PTGES2: variants seen among roughly 807,000 people sequenced by gnomAD.
The protein encoded by PTGES2 is prostaglandin E synthase 2, also known as GATE-binding factor 1.
Under a neutral mutation model 44.5 loss-of-function variants are expected in PTGES2, and 35 were observed. That is an observed-to-expected ratio of 0.79 (90% CI 0.60 to 1.04). The LOEUF (loss-of-function observed/expected upper bound fraction) is 1.04. Among genes scored for constraint, PTGES2 ranks in the 50% least tolerant of loss-of-function variants. PTGES2 has a pLI of 0.00. For synonymous variants in PTGES2, 221 were observed against 227.5 expected, an observed-to-expected ratio of 0.97 and a Z score of 0.26; for missense variants, 517 against 521.4, an observed-to-expected ratio of 0.99 and a Z score of 0.08.
intron 5 of PTGES2, 76 bp downstream of exon 5, chr9:128,122,858 G>A: frequency 2.0e-6 from 3 of 1,485,928 alleles, no homozygotes; most frequent in Admixed American, 1.7e-5. Context: ...TCTCCTGAGG[G>A]GTGTGATGGG....
chr9:128,124,594 CG>C, intron 2 of PTGES2, 44 bp from the exon 3 acceptor site: 3 of 1,580,214 alleles, frequency 1.9e-6, no homozygotes, highest in Non-Finnish European at 2.6e-6. Context: ...GCAACCCAGC[CG>C]CTGGGAGTCA....
Position 128,122,387 on chromosome 9 carries a change from C to G in PTGES2, c.980G>C (p.Gly327Ala), listed in dbSNP as rs779731411. Residue 327 changes from glycine to alanine, a missense_variant, in exon 6 of 7, where the codon GGC (glycine) becomes GCC (alanine). Gly to Ala is a moderately conservative substitution (Grantham distance 60). Transcript: ENST00000338961. ...AVGKDRPFMGGQKPNLADLAV... is the reference protein window; with the variant it reads ...AVGKDRPFMGAQKPNLADLAV... ...CAAATCAGCGAGATTCGGCTTCTGG[C>G]CCCCCATGAAGGGCCGGTCCTTGCC... 15 of 1,613,880 alleles carry G rather than the reference C, an allele frequency of 9.3e-6. No homozygotes were observed. The highest frequency in any genetic ancestry group is 1.2e-5 in the Non-Finnish European group (14 of 1,179,872).
intron 5 of PTGES2, 94 bp downstream of exon 5, chr9:128,122,840 C>T: frequency 7.3e-7 from 1 of 1,375,580 alleles, no homozygotes; most frequent in Non-Finnish European, 1.0e-6. Flanking sequence ...GCCTCGGCCT[C>T]CCGCTGGTCT....
chr9:128,122,642 G>A (rs1422947696), intron 5 of PTGES2, 163 bp from the exon 6 acceptor site: 14 of 653,976 alleles, frequency 2.1e-5, no homozygotes, highest in Non-Finnish European at 3.7e-5. Context: ...TCCCAGACGG[G>A]GAGGCTGTGG....
upstream of PTGES2, chr9:128,128,346 G>T (rs983349613): frequency 2.2e-5 from 10 of 456,300 alleles, 1 homozygote; most frequent in African/African-American, 1.0e-4. Context: ...GCAAAGTGGG[G>T]TGCCAGGCTG....
chr9:128,127,200 A>AAAAC (rs1265434899), intron 1 of PTGES2, among the ~76,000 whole-genome samples: 6 of 149,758 alleles, frequency 4.0e-5, no homozygotes, highest in African/African-American at 1.2e-4. Flanking sequence ...CCAAAAAAAA[A>AAAAC]AAAAAAAAAA....
intron 2 of PTGES2, chr9:128,124,887 T>C: frequency 8.0e-7 from 1 of 1,249,796 alleles, no homozygotes; most frequent in Non-Finnish European, 1.0e-6. Flanking sequence ...AGCCAGAATA[T>C]GGTCCCTTGT....
chr9:128,121,739 T>A (rs1834417697), intron 6 of PTGES2, among the ~76,000 whole-genome samples: 1 of 151,940 alleles, frequency 6.6e-6, no homozygotes, highest in South Asian at 2.1e-4. Flanking sequence ...ATACTGAAAC[T>A]CTGTCTCTAC....
In PTGES2 at chr9:128,123,067, G is replaced by A. The variant is rs1834483011; in HGVS notation, c.754C>T (p.Arg252Cys). The change falls in exon 5 of 7, where the codon CGC becomes TGC. Residue 252 changes from arginine to cysteine, a missense_variant. By Grantham distance (180) the Arg-to-Cys change is radical (BLOSUM62 -3). Coordinates refer to ENST00000338961, the MANE Select transcript of PTGES2 (RefSeq NM_025072.7). This position sits in a 1 kb window ranked among gnomAD's most constrained non-coding sequence, Gnocchi z 4.4. The part of the protein sequence containing the change: ...LVHLISPNVY[R>C]TPTEALASFD... ...GACGCCAGAGCCTCGGTGGGCGTGCGGTACACATTGGGGGAGATCAGGTGC... is the reference window on the plus strand; with the variant it reads ...GACGCCAGAGCCTCGGTGGGCGTGCAGTACACATTGGGGGAGATCAGGTGC... The A allele has an allele frequency of 2.5e-6, 4 of 1,612,802 alleles. No homozygotes were observed. Among genetic ancestry groups the A allele is most frequent in the Admixed American group, 1.7e-5 (1 of 59,998 alleles).
chr9:128,128,117 G>T, upstream of PTGES2: 1 of 368,606 alleles, frequency 2.7e-6, no homozygotes, highest in South Asian at 2.1e-5. Flanking sequence ...AGTCAGTACA[G>T]GCGCCGCGAC....
Position 128,123,618 on chromosome 9 carries a change from C to T in PTGES2, c.686+84G>A. ...CTGGTCTCCCATGCTGCTCCCTGCT[C>T]ACGCCATCTTGCTCAGCTTGGTCCT... On this transcript the variant is annotated intron_variant, in intron 4 of 6. Coordinates refer to ENST00000338961, the MANE Select transcript of PTGES2 (RefSeq NM_025072.7). This position sits in a 1 kb window ranked among gnomAD's most constrained non-coding sequence, Gnocchi z 4.4. 1.4e-6 allele frequency: 2 copies of T among 1,422,452 alleles called. No homozygotes were observed. Among genetic ancestry groups the T allele is most frequent in the Non-Finnish European group, 1.9e-6 (2 of 1,035,706 alleles). The allele number at this position is 1,422,452 out of a possible 1,614,324, so 88.1% of individuals were successfully genotyped here.
intron 3 of PTGES2, among the ~76,000 whole-genome samples, chr9:128,124,061 G>A (rs906317344): frequency 2.0e-5 from 3 of 152,080 alleles, no homozygotes; most frequent in African/African-American, 4.8e-5. Context: ...GGAGGAGGAC[G>A]GCCACGGGCT....
intron 6 of PTGES2, among the ~76,000 whole-genome samples, 184 bp from the exon 7 acceptor site, chr9:128,121,457 T>A (rs1023425424): frequency 6.6e-6 from 1 of 152,166 alleles, no homozygotes; most frequent in Non-Finnish European, 1.5e-5. Context: ...AGGTCTCGCC[T>A]GCTTCACATC....
upstream of PTGES2, chr9:128,127,834 A>G: frequency 9.9e-7 from 1 of 1,012,150 alleles, no homozygotes; most frequent in Non-Finnish European, 1.3e-6. Flanking sequence ...GGGCGACGCT[A>G]AGGGAACCCT....
Position 128,120,809 on chromosome 9 carries a change from C to A in PTGES2, c.*336G>T. ...AGGGGAACCCAGGGATGGGATTCCA[C>A]TGAAAACAAACCGTCCTGCTGTCCT... On this transcript the variant is annotated 3_prime_UTR_variant, in exon 7 of 7. Coordinates refer to ENST00000338961, the MANE Select transcript of PTGES2 (RefSeq NM_025072.7). 1 of 281,206 alleles carries A rather than the reference C, an allele frequency of 3.6e-6. No individual in the cohort carries two copies. Among genetic ancestry groups the A allele is most frequent in the Non-Finnish European group, 6.7e-6 (1 of 148,504 alleles). 17.4% of individuals were successfully genotyped at this position (281,206 alleles called of 1,614,324 possible). A position where few individuals can be genotyped will look rare whatever the true frequency, so the allele number is the denominator to read the frequency against.
chr9:128,123,978 G>C lies in PTGES2; in HGVS notation c.537-127C>G, dbSNP rs951040355. On this transcript the variant is annotated intron_variant, in intron 3 of 6. Coordinates refer to ENST00000338961, the MANE Select transcript of PTGES2 (RefSeq NM_025072.7). This position sits in a 1 kb window ranked among gnomAD's most constrained non-coding sequence, Gnocchi z 4.4. ...AAGGCTCTCCGGACTCTTGCAGTAA[G>C]AGGGATTTGGAGTAGATGCCAGGGC... 1.9e-6 allele frequency: 2 copies of C among 1,036,382 alleles called. No homozygotes were observed. Among genetic ancestry groups the C allele is most frequent in the African/African-American group, 3.2e-5 (2 of 62,564 alleles). 64.2% of individuals were successfully genotyped at this position (1,036,382 alleles called of 1,614,324 possible). A position where few individuals can be genotyped will look rare whatever the true frequency, so the allele number is the denominator to read the frequency against.
chr9:128,121,775 T>G (rs568007254), intron 6 of PTGES2, among the ~76,000 whole-genome samples: 1 of 152,030 alleles, frequency 6.6e-6, no homozygotes, highest in South Asian at 2.1e-4. Context: ...TAGCCGGGCA[T>G]GGTGGCACAG....
Position 128,122,112 on chromosome 9 carries a change from G to A in PTGES2, c.1005+250C>T, listed in dbSNP as rs540124523. Among the ~76,000 whole-genome samples, 22 of 152,260 alleles carry A rather than the reference G, an allele frequency of 1.4e-4. No individual in the cohort carries two copies. The East Asian group carries it at 1.7e-3, about 12-fold the overall frequency. ...AGCTTGGGCTCTGGTAACACCACCC[G>A]GGCCTCTGGATCCAGCAGGGCCCGA... is the stretch of plus-strand genomic sequence containing the variant. On this transcript the variant is annotated intron_variant, in intron 6 of 6. Transcript: ENST00000338961.
chr9:128,124,808 G>T, intron 2 of PTGES2: 1 of 1,293,654 alleles, frequency 7.7e-7, no homozygotes, highest in Non-Finnish European at 9.9e-7. Context: ...GAGGGGCAGG[G>T]TGGGTTCTGG....
Sources: allele counts gnomAD v4.1 joint callset (sites outside exome capture counted in the v4.1 genomes callset), GRCh38; gene constraint gnomAD v4.1.1; non-coding constraint Gnocchi (gnomAD v3.1); transcripts MANE v1.5; gene names NCBI Gene and HGNC (gene_info 2026-07-23, HGNC 2026-07-21).